The following TRIQK variants were observed in gnomAD, a reference collection of about 807,000 sequenced individuals.
TRIQK encodes the protein triple QxxK/R motif containing, also known as triple QxxK/R motif-containing protein.
TRIQK carries 10 observed loss-of-function variants against 10.8 expected under a neutral mutation model. The ratio of observed to expected loss-of-function variants is 0.92; its 90% CI spans 0.57 to 1.57. TRIQK has a LOEUF of 1.57. Ranked by LOEUF, TRIQK falls within the 40% of genes most tolerant of loss-of-function variation. The pLI, the probability that TRIQK is intolerant of heterozygous loss-of-function variation, is 0.00. For missense variants in TRIQK, 107 were observed against 97.7 expected (o/e 1.09, Z -0.40); for synonymous variants, 33 against 33.7 (o/e 0.98, Z 0.07).
At chr8:92,922,974 C>CA (rs555756493) in intron 2 of TRIQK, among the ~76,000 whole-genome samples, 15 of 151,670 alleles carry the variant, frequency 9.9e-5, no homozygotes, top group Non-Finnish European at 2.1e-4. Context: ...AATGATAAAA[C>CA]AAAAAATGCT....
At chr8:92,943,229 T>G (rs529160069) in intron 2 of TRIQK, among the ~76,000 whole-genome samples, 44 of 152,248 alleles carry the variant, frequency 2.9e-4, no homozygotes, top group African/African-American at 1.0e-3. Flanking sequence ...ATCACTATTG[T>G]AAAAATGTCT....
At chr8:92,990,894 C>A (rs533575874) in intron 1 of TRIQK, among the ~76,000 whole-genome samples, 1 of 152,098 alleles carries the variant, frequency 6.6e-6, no homozygotes. Flanking sequence ...GGAATGACAG[C>A]GAGACAGAAC....
At chr8:92,961,426 T>G (rs1355539712) in intron 1 of TRIQK, among the ~76,000 whole-genome samples, 8 of 152,110 alleles carry the variant, frequency 5.3e-5, no homozygotes, top group Admixed American at 6.5e-5. Flanking sequence ...CAGTACTATA[T>G]ACTGAGTCAC....
intron 1 of TRIQK, among the ~76,000 whole-genome samples, chr8:92,980,830 C>T (rs1176635240): frequency 6.6e-6 from 1 of 150,930 alleles, no homozygotes; most frequent in Non-Finnish European, 1.5e-5. Flanking sequence ...ATTAATATAT[C>T]TAAAAAGCTA....
chr8:92,891,541 T>A lies in TRIQK; in HGVS notation c.147+448A>T, dbSNP rs117566825. 9.7e-3 allele frequency among the ~76,000 whole-genome samples: 1,468 copies of A among 151,984 alleles called. 18 individuals carry two copies. The highest frequency in any genetic ancestry group is 0.041 in the East Asian group (213 of 5,160). On this transcript the variant is annotated intron_variant, in intron 4 of 4. Transcript: ENST00000521988. ...TTCTGAAAGAACAAGTTTAGGAATG[T>A]CATTATAATTTCATCAGAGAGTACT...
At chr8:92,961,897 G>A (rs1812476859) in intron 1 of TRIQK, among the ~76,000 whole-genome samples, 1 of 152,160 alleles carries the variant, frequency 6.6e-6, no homozygotes, top group Admixed American at 6.5e-5. Flanking sequence ...AAAGTCATGT[G>A]ACTGACAAGA....
chr8:93,008,366 G>A (rs558318933), intron 1 of TRIQK, among the ~76,000 whole-genome samples: 17 of 152,142 alleles, frequency 1.1e-4, no homozygotes, highest in Middle Eastern at 3.4e-3. Context: ...AGTAGTCTTC[G>A]ATGGGAAGAA....
intron 3 of TRIQK, among the ~76,000 whole-genome samples, chr8:92,906,620 TCAC>T (rs1809271217): frequency 6.6e-6 from 1 of 150,970 alleles, no homozygotes; most frequent in Admixed American, 6.6e-5. Flanking sequence ...CCCTATAAAG[TCAC>T]CATTATCAAA....
At chr8:93,006,521 C>T (rs1173210939) in intron 1 of TRIQK, among the ~76,000 whole-genome samples, 9 of 152,140 alleles carry the variant, frequency 5.9e-5, no homozygotes, top group South Asian at 2.1e-4. Flanking sequence ...GTCCCAGTGG[C>T]GACTAAGACT....
At chr8:92,930,046 A>T (rs1810632341) in intron 2 of TRIQK, among the ~76,000 whole-genome samples, 2 of 151,692 alleles carry the variant, frequency 1.3e-5, no homozygotes, top group African/African-American at 2.4e-5. Context: ...CTTACAGTAT[A>T]ATAAAAAATA....
intron 1 of TRIQK, among the ~76,000 whole-genome samples, chr8:92,980,366 GGTGT>G (rs140764225): frequency 1.3e-5 from 2 of 150,458 alleles, no homozygotes; most frequent in African/African-American, 4.9e-5. Flanking sequence ...GGCATATGGG[GGTGT>G]GTGTGTGTGT....
At chr8:92,913,838 A>G (rs1809692622) in intron 3 of TRIQK, among the ~76,000 whole-genome samples, 1 of 152,196 alleles carries the variant, frequency 6.6e-6, no homozygotes, top group Non-Finnish European at 1.5e-5. Context: ...ATGAAGCTGG[A>G]AACCATCTTT....
chr8:92,917,514 T>G (rs910317051), intron 2 of TRIQK, among the ~76,000 whole-genome samples: 5 of 152,054 alleles, frequency 3.3e-5, no homozygotes, highest in Admixed American at 1.3e-4. Flanking sequence ...CCCCTCTTAA[T>G]GTAAACAATA....
At chr8:92,924,400 A>G (rs1810337914) in intron 2 of TRIQK, among the ~76,000 whole-genome samples, 1 of 152,060 alleles carries the variant, frequency 6.6e-6, no homozygotes, top group South Asian at 2.1e-4. Context: ...CTCATGTTCC[A>G]GTGCACTAGG....
intron 2 of TRIQK, among the ~76,000 whole-genome samples, chr8:92,947,182 ACTTTT>A (rs761833102): frequency 3.3e-5 from 5 of 152,028 alleles, no homozygotes; most frequent in African/African-American, 4.8e-5. Context: ...AAGAGACTGG[ACTTTT>A]CTTTTAATAC....
At chr8:92,958,925 T>C (rs1812308965) in intron 1 of TRIQK, among the ~76,000 whole-genome samples, 1 of 152,090 alleles carries the variant, frequency 6.6e-6, no homozygotes, top group Non-Finnish European at 1.5e-5. Context: ...TCTGCTGTAT[T>C]GTATTGTACT....
In TRIQK at chr8:92,885,410, T is replaced by C. The variant is rs1318446563; in HGVS notation, c.*1212A>G. On this transcript the variant is annotated 3_prime_UTR_variant, in exon 5 of 5. Coordinates refer to ENST00000521988, the MANE Select transcript of TRIQK (RefSeq NM_001171797.2). Reference sequence around the variant, plus strand: ...TATAATATAAAACACTTTGTGCACATGTTTCCAACAATTTCATTTTCTATG... The same window carrying C: ...TATAATATAAAACACTTTGTGCACACGTTTCCAACAATTTCATTTTCTATG... 6.3e-6 allele frequency: 1 copy of C among 157,540 alleles called. No homozygotes were observed. The highest frequency in any genetic ancestry group is 1.4e-5 in the Non-Finnish European group (1 of 71,072). 9.8% of individuals were successfully genotyped at this position (157,540 alleles called of 1,614,324 possible).
At chr8:92,977,977 G>A (rs1286923094) in intron 1 of TRIQK, among the ~76,000 whole-genome samples, 1 of 152,080 alleles carries the variant, frequency 6.6e-6, no homozygotes, top group Non-Finnish European at 1.5e-5. Flanking sequence ...AACTATTTCT[G>A]ACCATGTGTT....
intron 4 of TRIQK, among the ~76,000 whole-genome samples, chr8:92,888,575 G>A (rs4526337): frequency 0.95 from 144,742 of 151,620 alleles, 69,370 homozygotes; most frequent in Middle Eastern, 0.98. Context: ...GAGTTGAAAC[G>A]ATGGTAAAAT....
Sources: gnomAD v4.1 joint callset for allele counts (sites outside exome capture counted in the v4.1 genomes callset) on GRCh38, gnomAD v4.1.1 for gene constraint, MANE v1.5 for transcripts, NCBI Gene and HGNC (gene_info 2026-07-23, HGNC 2026-07-21) for gene names.